The following NRG4 variants were observed in gnomAD, a reference collection of about 807,000 sequenced individuals.
NRG4 encodes pro-neuregulin-4, membrane-bound isoform.
In NRG4, 10 loss-of-function variants were observed where a neutral mutation model predicts 15.0. The observed-to-expected ratio is 0.67, with a 90% confidence interval of 0.41 to 1.13. The LOEUF (loss-of-function observed/expected upper bound fraction) is 1.13. Among genes scored for constraint, NRG4 ranks in the 50% most tolerant of loss-of-function variants. The pLI, the probability that NRG4 is intolerant of heterozygous loss-of-function variation, is 0.00. For missense variants in NRG4, 139 were observed against 140.2 expected (o/e 0.99, Z 0.04); for synonymous variants, 41 against 50.1 (o/e 0.82, Z 0.77).
intron 4 of NRG4, among the ~76,000 whole-genome samples, chr15:75,957,952 G>A (rs1241094407): frequency 6.6e-6 from 1 of 152,090 alleles, no homozygotes; most frequent in East Asian, 1.9e-4. Context: ...ATTCATTGGA[G>A]ATCTGTTTTA....
intron 4 of NRG4, among the ~76,000 whole-genome samples, chr15:76,041,397 A>C (rs370584984): frequency 1.0e-3 from 157 of 151,762 alleles, no homozygotes; most frequent in African/African-American, 3.5e-3. Context: ...CAAAAAACCC[A>C]AAAAAAACCC....
At chr15:75,962,006 A>G in intron 3 of NRG4, 32 bp from the exon 4 acceptor site, 1 of 1,536,518 alleles carries the variant, frequency 6.5e-7, no homozygotes, top group Non-Finnish European at 8.9e-7. Context: ...AAAGAATTGC[A>G]TTCTGTGTTT....
At chr15:76,010,076 C>T (rs1303608886) in intron 2 of NRG4, among the ~76,000 whole-genome samples, 1 of 151,556 alleles carries the variant, frequency 6.6e-6, no homozygotes, top group Non-Finnish European at 1.5e-5. Flanking sequence ...CCCTTGGTAC[C>T]TCTCCTTCCT....
Position 75,943,040 on chromosome 15 carries a change from C to G in NRG4, c.*598G>C, listed in dbSNP as rs998395161. ...CTAGAATTAGTCAATCTTTTGCAGT[C>G]AAAATTTTGGGTTTTTGTTTCTTCC... is the stretch of plus-strand genomic sequence containing the variant. On this transcript the variant is annotated 3_prime_UTR_variant, in exon 6 of 6. Transcript: ENST00000394907. 2 of 152,168 alleles carry G rather than the reference C, an allele frequency of 1.3e-5. No individual in the cohort carries two copies. Among genetic ancestry groups the G allele is most frequent in the Admixed American group, 6.5e-5 (1 of 15,280 alleles). The allele number at this position is 152,168 out of a possible 1,614,324, so 9.4% of individuals were successfully genotyped here. A position where few individuals can be genotyped will look rare whatever the true frequency, so the allele number is the denominator to read the frequency against.
In NRG4 at chr15:75,958,775, C is replaced by T. The variant is rs557979775; in HGVS notation, c.252-2764G>A. Among the ~76,000 whole-genome samples the T allele has an allele frequency of 5.3e-5, 8 of 152,224 alleles. No individual in the cohort carries two copies. In the East Asian group the frequency reaches 1.5e-3, roughly 29 times the overall value. ...GTATTGTTTAGCCTGCTACAGGGTA[C>T]TTCAGACTAGAAATATTTCTAAGTT... is the stretch of plus-strand genomic sequence containing the variant. On this transcript the variant is annotated intron_variant, in intron 4 of 5. Transcript: ENST00000394907.
intron 3 of NRG4, among the ~76,000 whole-genome samples, chr15:75,964,688 G>C (rs142511452): frequency 0.019 from 2,856 of 152,258 alleles, 103 homozygotes; most frequent in African/African-American, 0.066. Flanking sequence ...CACTTTGCGA[G>C]GCTGAGGCAG....
intron 3 of NRG4, among the ~76,000 whole-genome samples, chr15:75,980,719 C>G (rs1392221375): frequency 2.0e-5 from 3 of 152,210 alleles, no homozygotes; most frequent in African/African-American, 7.2e-5. Context: ...GATATCAAGA[C>G]AAGGTCTCAC....
rs1318426423 is a variant in NRG4 at position 75,961,860 on chromosome 15, T to A, written c.219A>T (p.Thr73=). 5.0e-6 allele frequency: 8 copies of A among 1,613,690 alleles called. No individual in the cohort carries two copies. The highest frequency in any genetic ancestry group is 1.3e-5 in the African/African-American group (1 of 74,928). Residue 73 remains threonine (T), a synonymous_variant, in exon 4 of 6, where the codon ACA becomes ACT. Transcript: ENST00000394907. ...GGAAGTAGAAGGCTCCAATGATAAGTGTTACTAGGACCGCCAATGCCACAA... is the reference window on the plus strand; with the variant it reads ...GGAAGTAGAAGGCTCCAATGATAAGAGTTACTAGGACCGCCAATGCCACAA... The part of the protein sequence containing the change: ...EAFVALAVLV[T]LIIGAFYFLC...
rs534589502 is a variant in NRG4, at chr15:76,020,774, A to G, written c.-56-9488T>C. Among the ~76,000 whole-genome samples, 9 of 152,354 alleles carry G rather than the reference A, an allele frequency of 5.9e-5. No individual in the cohort carries two copies. The South Asian group carries it at 1.9e-3, about 32-fold the overall frequency. ...GGCCCTAATTCTTATAAATTCTATG[A>G]AGGCCGAGAGAGGTAAAGAAGCAGC... On this transcript the variant is annotated intron_variant, in intron 5 of 8. Transcript: ENST00000563910.
At chr15:76,037,618 T>A (rs968983537) in intron 4 of NRG4, among the ~76,000 whole-genome samples, 2 of 152,092 alleles carry the variant, frequency 1.3e-5, no homozygotes, top group Admixed American at 6.5e-5. Context: ...GTAAAGGCAG[T>A]CTAGGCCCCA....
rs142978468 is a variant in NRG4, at chr15:76,021,876, C to T, written c.-56-10590G>A. 6.6e-5 allele frequency among the ~76,000 whole-genome samples: 10 copies of T among 152,244 alleles called. No individual in the cohort carries two copies. The East Asian group carries it at 9.6e-4, about 15-fold the overall frequency. ...CCCCAGTCTTTTTGGCACCAGGGACCGGTTTCATGGAAGACAATTTTTCCA... is the reference window on the plus strand; with the variant it reads ...CCCCAGTCTTTTTGGCACCAGGGACTGGTTTCATGGAAGACAATTTTTCCA... On this transcript the variant is annotated intron_variant, in intron 5 of 8. Coordinates refer to the NRG4 transcript ENST00000563910.
intron 3 of NRG4, among the ~76,000 whole-genome samples, chr15:75,972,019 C>T (rs2033120234): frequency 6.6e-6 from 1 of 152,204 alleles, no homozygotes; most frequent in South Asian, 2.1e-4. Flanking sequence ...TCCATATCTT[C>T]TCCAGCATCT....
chr15:75,992,251 C>T (rs1406141438), intron 3 of NRG4, among the ~76,000 whole-genome samples: 1 of 152,158 alleles, frequency 6.6e-6, no homozygotes, highest in Non-Finnish European at 1.5e-5. Flanking sequence ...ATGTACCTCA[C>T]CTAAGTTGAG....
intron 2 of NRG4, among the ~76,000 whole-genome samples, chr15:76,010,921 C>CG (rs918498703): frequency 1.3e-5 from 2 of 152,050 alleles, no homozygotes; most frequent in African/African-American, 4.8e-5. Flanking sequence ...TCTGAATCTA[C>CG]TTTTATTCTG....
intron 4 of NRG4, among the ~76,000 whole-genome samples, chr15:76,050,587 C>T (rs548289581): frequency 5.5e-5 from 8 of 144,302 alleles, no homozygotes; most frequent in East Asian, 2.0e-4. Flanking sequence ...CTCACCACCA[C>T]GCTCGGCTAA....
chr15:75,941,263 T>C lies in NRG4; in HGVS notation c.*2375A>G, dbSNP rs530559766. On this transcript the variant is annotated 3_prime_UTR_variant, in exon 6 of 6. Transcript: ENST00000394907. ...TTCATACCCACTGGGATAGCTCTTA[T>C]TAAAATTAAAAAAACACACAAGTGT... is the stretch of plus-strand genomic sequence containing the variant. 6.6e-6 allele frequency: 1 copy of C among 152,086 alleles called. No individual in the cohort carries two copies. Among genetic ancestry groups the C allele is most frequent in the African/African-American group, 2.4e-5 (1 of 41,424 alleles). 9.4% of individuals were successfully genotyped at this position (152,086 alleles called of 1,614,324 possible).
chr15:75,954,363 A>C (rs919336492), intron 5 of NRG4, among the ~76,000 whole-genome samples: 1 of 150,800 alleles, frequency 6.6e-6, no homozygotes, highest in Non-Finnish European at 1.5e-5. Flanking sequence ...TGACTTTTGA[A>C]TCTATGTAAT....
At chr15:75,971,830 C>T (rs567754625) in intron 3 of NRG4, among the ~76,000 whole-genome samples, 5 of 152,224 alleles carry the variant, frequency 3.3e-5, no homozygotes, top group South Asian at 2.1e-4. Flanking sequence ...AATAAACATA[C>T]GTGTGCACGT....
intron 4 of NRG4, among the ~76,000 whole-genome samples, chr15:75,960,103 CTGACT>C (rs2032443050): frequency 6.6e-6 from 1 of 152,172 alleles, no homozygotes; most frequent in Non-Finnish European, 1.5e-5. Flanking sequence ...TTAGACTATC[CTGACT>C]TATTAATGAT....
Sources: gnomAD v4.1 joint callset for allele counts (sites outside exome capture counted in the v4.1 genomes callset) on GRCh38, gnomAD v4.1.1 for gene constraint, MANE v1.5 for transcripts, NCBI Gene and HGNC (gene_info 2026-07-23, HGNC 2026-07-21) for gene names.